Variants in LRMDA observed in about 807,000 individuals in gnomAD.
LRMDA encodes leucine rich melanocyte differentiation associated.
A neutral mutation model predicts 29.8 loss-of-function variants in LRMDA; 18 were observed. The ratio of observed to expected loss-of-function variants is 0.60; its 90% CI spans 0.42 to 0.90. The LOEUF (loss-of-function observed/expected upper bound fraction) is 0.90. Ranked by LOEUF, LRMDA falls within the 40% of genes least tolerant of loss-of-function variation. The probability of loss-of-function intolerance (pLI) is 0.00; values close to 1 mark genes in which losing one functional copy is unlikely to be tolerated. For synonymous variants in LRMDA, 125 were observed against 109.4 expected, an observed-to-expected ratio of 1.14 and a Z score of -0.89; for missense variants, 273 against 273.9, an observed-to-expected ratio of 1.00 and a Z score of 0.02.
In LRMDA at chr10:76,542,537, T is replaced by C. The variant is rs186944401; in HGVS notation, c.602-14672T>C. 1.7e-3 allele frequency among the ~76,000 whole-genome samples: 264 copies of C among 152,344 alleles called. 1 individual carries two copies. The highest frequency in any genetic ancestry group is 6.0e-3 in the African/African-American group (249 of 41,582). On this transcript the variant is annotated intron_variant, in intron 6 of 6. Coordinates refer to ENST00000611255, the MANE Select transcript of LRMDA (RefSeq NM_001305581.2). ...CATAATTCACTTTCACATTGGATTA[T>C]GGATGTCTGCGTTCAGTGAGTCTAT... is the stretch of plus-strand genomic sequence containing the variant.
intron 6 of LRMDA, among the ~76,000 whole-genome samples, chr10:76,491,353 A>G (rs915070626): frequency 6.6e-6 from 1 of 151,970 alleles, no homozygotes; most frequent in Non-Finnish European, 1.5e-5. Flanking sequence ...CATTTCTTGT[A>G]GGGCAGTCTG....
chr10:75,831,427 G>A (rs1844342657), intron 2 of LRMDA, among the ~76,000 whole-genome samples: 1 of 152,204 alleles, frequency 6.6e-6, no homozygotes, highest in African/African-American at 2.4e-5. Flanking sequence ...CACAAGACAT[G>A]GGTTCCCATG....
intron 5 of LRMDA, among the ~76,000 whole-genome samples, chr10:76,253,187 G>T (rs1852517935): frequency 6.6e-6 from 1 of 152,082 alleles, no homozygotes; most frequent in African/African-American, 2.4e-5. Flanking sequence ...GCATATTATG[G>T]GTCTTTGGGT....
intron 5 of LRMDA, among the ~76,000 whole-genome samples, chr10:76,226,041 A>G (rs189426243): frequency 1.9e-3 from 282 of 151,936 alleles, no homozygotes; most frequent in Admixed American, 4.8e-3. Flanking sequence ...CCATGTCCCT[A>G]CAAAGGACAT....
Position 76,459,106 on chromosome 10 carries a change from A to G in LRMDA, c.602-98103A>G, listed in dbSNP as rs548858428. On this transcript the variant is annotated intron_variant, in intron 6 of 6. Coordinates refer to ENST00000611255, the MANE Select transcript of LRMDA (RefSeq NM_001305581.2). ...GAACTAAAAAATATCCCCTGCTCAA[A>G]GCTTGTCTATGCCTGCTAATTGCAT... is the stretch of plus-strand genomic sequence containing the variant. 5.1e-4 allele frequency among the ~76,000 whole-genome samples: 78 copies of G among 152,292 alleles called. No homozygotes were observed. In the South Asian group the frequency reaches 0.011, roughly 21 times the overall value.
intron 2 of LRMDA, among the ~76,000 whole-genome samples, chr10:75,682,455 GAC>G (rs144026201): frequency 0.031 from 4,627 of 151,102 alleles, 236 homozygotes; most frequent in African/African-American, 0.1. Flanking sequence ...GTGTGAGACA[GAC>G]ACACACACAC....
chr10:75,854,224 A>G (rs566858604), intron 2 of LRMDA, among the ~76,000 whole-genome samples: 1 of 152,296 alleles, frequency 6.6e-6, no homozygotes, highest in African/African-American at 2.4e-5. Flanking sequence ...TCGACCATCT[A>G]TAAGACTGTC....
intron 3 of LRMDA, among the ~76,000 whole-genome samples, chr10:76,040,795 A>G (rs945516489): frequency 6.6e-6 from 1 of 152,304 alleles, no homozygotes; most frequent in African/African-American, 2.4e-5. Flanking sequence ...GGGGCACATA[A>G]GCAGATTTTA....
At chr10:76,171,203 CT>C (rs1850829779) in intron 5 of LRMDA, among the ~76,000 whole-genome samples, 3 of 152,160 alleles carry the variant, frequency 2.0e-5, no homozygotes, top group Non-Finnish European at 2.9e-5. Context: ...TCAGATGACA[CT>C]ATCTCGCTGC....
chr10:76,413,568 C>G (rs1391524291), intron 6 of LRMDA, among the ~76,000 whole-genome samples: 1 of 152,252 alleles, frequency 6.6e-6, no homozygotes, highest in East Asian at 1.9e-4. Context: ...CCACCGGGTC[C>G]CTCCCACAAC....
chr10:75,562,171 T>A (rs1158061850), intron 2 of LRMDA, among the ~76,000 whole-genome samples: 1 of 152,118 alleles, frequency 6.6e-6, no homozygotes, highest in African/African-American at 2.4e-5. Flanking sequence ...AGTCTAAGTC[T>A]CTTTGTAGGT....
chr10:76,246,166 G>T (rs779274281), intron 5 of LRMDA, among the ~76,000 whole-genome samples: 32 of 152,094 alleles, frequency 2.1e-4, no homozygotes, highest in Non-Finnish European at 4.4e-5. Context: ...GGTTCCACGC[G>T]GTACTACTGC....
intron 2 of LRMDA, among the ~76,000 whole-genome samples, chr10:75,525,592 C>CTTTTTTTTTTTTTTT (rs11415547): frequency 1.5e-5 from 2 of 129,714 alleles, no homozygotes; most frequent in Non-Finnish European, 3.2e-5. Flanking sequence ...TTCTTTCTTT[C>CTTTTTTTTTTTTTTT]TTTTTTTTTT....
At chr10:75,470,577 A>T (rs1328024118) in intron 2 of LRMDA, among the ~76,000 whole-genome samples, 1 of 152,208 alleles carries the variant, frequency 6.6e-6, no homozygotes, top group Admixed American at 6.5e-5. Context: ...GGTCTAGGGT[A>T]TCCTTCTGAG....
At chr10:75,543,068 T>C (rs182700400) in intron 2 of LRMDA, among the ~76,000 whole-genome samples, 33 of 152,342 alleles carry the variant, frequency 2.2e-4, no homozygotes, top group Admixed American at 2.0e-3. Flanking sequence ...GCCAGGGTAG[T>C]AATTGATAGC....
intron 6 of LRMDA, among the ~76,000 whole-genome samples, chr10:76,421,716 G>A (rs1038696935): frequency 6.6e-6 from 1 of 152,062 alleles, no homozygotes; most frequent in African/African-American, 2.4e-5. Context: ...TGCATCTTTA[G>A]AATATATGTG....
chr10:75,694,083 C>CA (rs1193740826), intron 2 of LRMDA, among the ~76,000 whole-genome samples: 2 of 152,114 alleles, frequency 1.3e-5, no homozygotes, highest in African/African-American at 4.8e-5. Context: ...TGTTTGACAA[C>CA]AAAAAATTAA....
At chr10:75,918,069 A>G (rs185117144) in intron 2 of LRMDA, among the ~76,000 whole-genome samples, 1 of 152,322 alleles carries the variant, frequency 6.6e-6, no homozygotes, top group Non-Finnish European at 1.5e-5. Flanking sequence ...GAGAATCATC[A>G]GGTACTTCCA....
At chr10:76,515,499 A>G (rs1029706332) in intron 6 of LRMDA, among the ~76,000 whole-genome samples, 35 of 152,072 alleles carry the variant, frequency 2.3e-4, no homozygotes, top group African/African-American at 8.0e-4. Context: ...CACTCTGAAT[A>G]CACGTCTTTT....
Sources: gnomAD v4.1 joint callset for allele counts (sites outside exome capture counted in the v4.1 genomes callset) on GRCh38, gnomAD v4.1.1 for gene constraint, MANE v1.5 for transcripts, NCBI Gene and HGNC (gene_info 2026-07-23, HGNC 2026-07-21) for gene names.